The following CAPN2 variants were observed in gnomAD, a reference collection of about 807,000 sequenced individuals.
CAPN2 encodes the protein calpain-2 catalytic subunit.
CAPN2 carries 92 observed loss-of-function variants against 102.3 expected under a neutral mutation model. The ratio of observed to expected loss-of-function variants is 0.90; its 90% confidence interval spans 0.76 to 1.07. The LOEUF is 1.07. Ranked by LOEUF, CAPN2 falls within the 50% of genes least tolerant of loss-of-function variation. The pLI, the probability that CAPN2 is intolerant of heterozygous loss-of-function variation, is 0.00. For synonymous variants in CAPN2, 340 were observed against 355.4 expected, an observed-to-expected ratio of 0.96 and a Z score of 0.49; for missense variants, 800 against 909.4, an observed-to-expected ratio of 0.88 and a Z score of 1.55.
intron 2 of CAPN2, among the ~76,000 whole-genome samples, chr1:223,739,468 G>A (rs973725611): frequency 6.6e-6 from 1 of 152,172 alleles, no homozygotes; most frequent in Admixed American, 6.5e-5. Context: ...ACAGGTGTGA[G>A]TCACCATGCC....
intron 5 of CAPN2, among the ~76,000 whole-genome samples, 174 bp from the exon 6 acceptor site, chr1:223,748,865 G>A (rs1285304719): frequency 6.6e-6 from 1 of 152,248 alleles, no homozygotes; most frequent in African/African-American, 2.4e-5. Flanking sequence ...TTTGAACGGG[G>A]TAGGAAAGGT....
At position 223,712,678 on chromosome 1, in the gene CAPN2, A is replaced by C. The variant is rs1297410443; in HGVS notation, c.38A>C (p.Glu13Ala). 1 of 1,553,674 alleles carries C rather than the reference A, an allele frequency of 6.4e-7. No individual in the cohort carries two copies. Among genetic ancestry groups the C allele is most frequent in the African/African-American group, 1.4e-5 (1 of 71,946 alleles). ...GCGGCCAAGCTGGCGAAGGACCGGG[A>C]GGCGGCCGAGGGGCTGGGCTCCCAC... ...GIAAKLAKDR[E>A]AAEGLGSHDR... Residue 13 changes from glutamate (E) to alanine (A), a missense_variant, in exon 1 of 21, where the codon GAG (glutamate) becomes GCG (alanine). Coordinates refer to ENST00000295006, the MANE Select transcript of CAPN2 (RefSeq NM_001748.5).
intron 2 of CAPN2, among the ~76,000 whole-genome samples, chr1:223,724,499 C>A (rs1660139183): frequency 6.6e-6 from 1 of 152,224 alleles, no homozygotes; most frequent in African/African-American, 2.4e-5. Flanking sequence ...TGAAATATGA[C>A]TCATGCAACT....
rs975670730 is a variant in CAPN2, at chr1:223,775,177, GA to G, written c.*329del. 1.0e-3 allele frequency: 250 copies of G among 246,184 alleles called. No individual in the cohort carries two copies. Among genetic ancestry groups the G allele is most frequent in the Middle Eastern group, 2.7e-3 (2 of 748 alleles). 15.2% of individuals were successfully genotyped at this position (246,184 alleles called of 1,614,324 possible). A position where few individuals can be genotyped will look rare whatever the true frequency, so the allele number is the denominator to read the frequency against. On this transcript the variant is annotated 3_prime_UTR_variant, in exon 21 of 21. Coordinates refer to ENST00000295006, the MANE Select transcript of CAPN2 (RefSeq NM_001748.5). Reference sequence around the variant, plus strand: ...CCTGTTCATAGCAATATTAAATCAGGAAAAAAAAATGCAGGGAGGTATTTAA... The same window carrying G: ...CCTGTTCATAGCAATATTAAATCAGGAAAAAAAATGCAGGGAGGTATTTAA...
At chr1:223,764,313 C>A in intron 15 of CAPN2, 106 bp downstream of exon 15, 1 of 899,166 alleles carries the variant, frequency 1.1e-6, no homozygotes, top group South Asian at 1.4e-5. Flanking sequence ...GACTAAACCA[C>A]CACCCTCCAT....
chr1:223,720,050 A>G (rs959462478), intron 2 of CAPN2, among the ~76,000 whole-genome samples: 4 of 152,186 alleles, frequency 2.6e-5, no homozygotes, highest in African/African-American at 9.6e-5. Flanking sequence ...ACACTCTGTG[A>G]CATGGCCAGA....
intron 1 of CAPN2, among the ~76,000 whole-genome samples, chr1:223,713,990 C>T (rs1040949336): frequency 6.6e-6 from 1 of 152,216 alleles, no homozygotes; most frequent in Admixed American, 6.5e-5. Flanking sequence ...CTTTCAGTCT[C>T]TCAAAGAGCC....
At chr1:223,773,607 T>C (rs770329017) in intron 20 of CAPN2, among the ~76,000 whole-genome samples, 3 of 151,894 alleles carry the variant, frequency 2.0e-5, no homozygotes, top group Admixed American at 1.3e-4. Flanking sequence ...AGCGAAAGGA[T>C]TGCTTGAACC....
intron 2 of CAPN2, among the ~76,000 whole-genome samples, chr1:223,728,231 C>G (rs1372006168): frequency 6.6e-6 from 1 of 152,136 alleles, no homozygotes; most frequent in Admixed American, 6.6e-5. Context: ...GCAACTCTCT[C>G]CCGCTCTCTC....
chr1:223,708,356 G>A (rs558162542), upstream of CAPN2, among the ~76,000 whole-genome samples: 13 of 151,772 alleles, frequency 8.6e-5, no homozygotes, highest in East Asian at 2.3e-3. Context: ...ACCGGGAGGC[G>A]GAGGTTGCAA....
chr1:223,737,627 C>CT (rs1360897196), intron 2 of CAPN2, among the ~76,000 whole-genome samples: 7 of 138,122 alleles, frequency 5.1e-5, no homozygotes, highest in Non-Finnish European at 9.0e-5. Flanking sequence ...TTTACAGTGA[C>CT]TTAGGCAGAA....
chr1:223,772,556 G>C (rs16842174), intron 20 of CAPN2: 3,494 of 313,000 alleles, frequency 0.011, 151 homozygotes, highest in East Asian at 0.097. Context: ...TAGCATGCAA[G>C]GGAGAACATG....
Position 223,748,477 on chromosome 1 carries a change from G to A in CAPN2, c.730-562G>A, listed in dbSNP as rs974638267. Among the ~76,000 whole-genome samples the A allele has an allele frequency of 5.9e-5, 9 of 152,340 alleles. No individual in the cohort carries two copies. In the South Asian group the frequency reaches 6.2e-4, roughly 11 times the overall value. ...TAGGGGAAAGGAGAGGCTGTGAGGC[G>A]TTCTTAAAACAGAAGCAAATTCTGA... On this transcript the variant is annotated intron_variant, in intron 5 of 20. Transcript: ENST00000295006.
intron 2 of CAPN2, among the ~76,000 whole-genome samples, chr1:223,721,254 A>T (rs1309937810): frequency 6.6e-6 from 1 of 152,212 alleles, no homozygotes; most frequent in Non-Finnish European, 1.5e-5. Context: ...TGGAGCCTCC[A>T]CTGGCTGACC....
intron 4 of CAPN2, among the ~76,000 whole-genome samples, chr1:223,746,010 G>T (rs1382383879): frequency 2.0e-5 from 3 of 152,210 alleles, no homozygotes; most frequent in African/African-American, 7.2e-5. Flanking sequence ...AGTTGAGTTT[G>T]TCCAGTGCTC....
At position 223,754,538 on chromosome 1, in the gene CAPN2, C is replaced by T. The variant is rs554775060; in HGVS notation, c.1136-942C>T. ...AAACGTTATTTACAAAAACAGGCAG[C>T]GGCCTTCGGAGCCATAGCTGCCAAC... On this transcript the variant is annotated intron_variant, in intron 9 of 20. Coordinates refer to ENST00000295006, the MANE Select transcript of CAPN2 (RefSeq NM_001748.5). This position sits in a 1 kb window ranked among gnomAD's most constrained non-coding sequence, Gnocchi z 4.7. Among the ~76,000 whole-genome samples the T allele has an allele frequency of 3.1e-4, 47 of 152,356 alleles. No homozygotes were observed. The highest frequency in any genetic ancestry group is 1.1e-3 in the African/African-American group (45 of 41,584).
chr1:223,741,702 G>T, intron 2 of CAPN2, among the ~76,000 whole-genome samples: 1 of 152,068 alleles, frequency 6.6e-6, no homozygotes, highest in Admixed American at 6.5e-5. Flanking sequence ...CTATCTGCCC[G>T]CCTTGGCCTC....
At chr1:223,722,603 T>A (rs914526563) in intron 2 of CAPN2, among the ~76,000 whole-genome samples, 3 of 152,106 alleles carry the variant, frequency 2.0e-5, no homozygotes, top group Admixed American at 6.5e-5. Context: ...AATTTTTAAA[T>A]TATAAATTTA....
intron 11 of CAPN2, chr1:223,757,631 G>T: frequency 1.8e-6 from 1 of 549,060 alleles, no homozygotes; most frequent in African/African-American, 1.9e-5. Flanking sequence ...CCCATACAGG[G>T]TTTGGTTCTG....
Sources: allele counts gnomAD v4.1 joint callset (sites outside exome capture counted in the v4.1 genomes callset), GRCh38; gene constraint gnomAD v4.1.1; non-coding constraint Gnocchi (gnomAD v3.1); transcripts MANE v1.5; gene names NCBI Gene and HGNC (gene_info 2026-07-23, HGNC 2026-07-21).